STAM2: variants seen among roughly 807,000 people sequenced by gnomAD.
The protein encoded by STAM2 is signal transducing adapter molecule 2.
Under a neutral mutation model 65.6 loss-of-function variants are expected in STAM2, and 51 were observed. The observed-to-expected ratio is 0.78, with a 90% CI of 0.62 to 0.98. STAM2 has a LOEUF of 0.98. Among genes scored for constraint, STAM2 ranks in the 50% least tolerant of loss-of-function variants. STAM2 has a pLI of 0.00. For synonymous variants in STAM2, 198 were observed against 208.4 expected (o/e 0.95, Z 0.43); for missense variants, 584 against 617.8 (o/e 0.95, Z 0.58).
At chr2:152,166,580 C>A (rs1689790351) in intron 1 of STAM2, among the ~76,000 whole-genome samples, 1 of 151,958 alleles carries the variant, frequency 6.6e-6, no homozygotes, top group Admixed American at 6.6e-5. Context: ...ATATCTGCCA[C>A]AATGACCTTC....
In STAM2 at chr2:152,148,062, C is replaced by A; in HGVS notation, c.262G>T (p.Asp88Tyr). The change falls in exon 4 of 14, where the codon GAT becomes TAT. Residue 88 changes from aspartate (D) to tyrosine (Y), a missense_variant. Coordinates refer to ENST00000263904, the MANE Select transcript of STAM2 (RefSeq NM_005843.6). Reference protein sequence around the residue: ...KIFHLEVCSRDFATEVRAVIK... With the variant: ...KIFHLEVCSRYFATEVRAVIK... ...ACAGCACGTACTTCTGTTGCAAAATCACGGGAACATACTTCTAAATGAAAT... is the reference window on the plus strand; with the variant it reads ...ACAGCACGTACTTCTGTTGCAAAATAACGGGAACATACTTCTAAATGAAAT... 1 of 1,610,702 alleles carries A rather than the reference C, an allele frequency of 6.2e-7. No individual in the cohort carries two copies. Among genetic ancestry groups the A allele is most frequent in the South Asian group, 1.1e-5 (1 of 90,170 alleles).
chr2:152,160,552 G>C lies in STAM2; in HGVS notation c.41-10323C>G, dbSNP rs917930569. ...GCCCGGCAGCCACCGCGTCCGGGAG[G>C]GAGGTGGGGGTCAGCCCCCGCCAGG... On this transcript the variant is annotated intron_variant, in intron 1 of 13. Coordinates refer to ENST00000263904, the MANE Select transcript of STAM2 (RefSeq NM_005843.6). Among the ~76,000 whole-genome samples, 4 of 151,818 alleles carry C rather than the reference G, an allele frequency of 2.6e-5. 1 individual carries two copies. Among genetic ancestry groups the C allele is most frequent in the African/African-American group, 7.3e-5 (3 of 41,334 alleles).
chr2:152,152,846 TA>T (rs1689471686), intron 1 of STAM2, among the ~76,000 whole-genome samples: 1 of 152,182 alleles, frequency 6.6e-6, no homozygotes, highest in Non-Finnish European at 1.5e-5. Flanking sequence ...ACACAGGTAG[TA>T]AAAATATTAG....
chr2:152,165,218 G>A lies in STAM2; in HGVS notation c.40+10385C>T, dbSNP rs546205891. On this transcript the variant is annotated intron_variant, in intron 1 of 13. Transcript: ENST00000263904. Reference sequence around the variant, plus strand: ...AGGCGGGCAGATCATGAGGTCAGGAGATCAAGACGAGCCTGGCTAACACAG... The same window carrying A: ...AGGCGGGCAGATCATGAGGTCAGGAAATCAAGACGAGCCTGGCTAACACAG... Among the ~76,000 whole-genome samples the A allele has an allele frequency of 3.9e-5, 6 of 152,022 alleles. No individual in the cohort carries two copies. The East Asian group carries it at 9.7e-4, about 25-fold the overall frequency.
In STAM2 at chr2:152,133,246, T is replaced by A; in HGVS notation, c.897A>T (p.Arg299Ser). Residue 299 changes from arginine (R) to serine (S), a missense_variant, in exon 10 of 14, where the codon AGA becomes AGT. Coordinates refer to ENST00000263904, the MANE Select transcript of STAM2 (RefSeq NM_005843.6). ...CTATACTCTGAAGTACCTGCAGGGCTCTATCCATCTTATCCTAAAAAAGTA... is the reference window on the plus strand; with the variant it reads ...CTATACTCTGAAGTACCTGCAGGGCACTATCCATCTTATCCTAAAAAAGTA... Reference protein sequence around the residue: ...PVYIDEDKMDRALQVLQSIDP... With the variant: ...PVYIDEDKMDSALQVLQSIDP... 1 of 1,609,578 alleles carries A rather than the reference T, an allele frequency of 6.2e-7. No individual in the cohort carries two copies. The highest frequency in any genetic ancestry group is 8.5e-7 in the Non-Finnish European group (1 of 1,177,948).
In STAM2 at chr2:152,150,219, C is replaced by A. The variant is rs781017165; in HGVS notation, c.51G>T (p.Thr17=). ...NPFEQDVEKA[T]NEYNTTEDWS... ...AATCTTCTGTAGTGTTGTACTCATT[C>A]GTGGCTTTTTCTATAAAATATATTG... The change falls in exon 2 of 14, where the codon ACG becomes ACT. Residue 17 remains threonine, a synonymous_variant. Coordinates refer to ENST00000263904, the MANE Select transcript of STAM2 (RefSeq NM_005843.6). 2 of 1,612,182 alleles carry A rather than the reference C, an allele frequency of 1.2e-6. No individual in the cohort carries two copies. Among genetic ancestry groups the A allele is most frequent in the African/African-American group, 1.3e-5 (1 of 74,984 alleles).
At chr2:152,168,127 T>C (rs572008642) in intron 1 of STAM2, among the ~76,000 whole-genome samples, 1 of 152,112 alleles carries the variant, frequency 6.6e-6, no homozygotes, top group Admixed American at 6.6e-5. Context: ...TAACCAGAGT[T>C]TGATATCCTA....
chr2:152,148,024 C>T lies in STAM2; in HGVS notation c.300G>A (p.Lys100=). 2 of 1,594,036 alleles carry T rather than the reference C, an allele frequency of 1.3e-6. No individual in the cohort carries two copies. The highest frequency in any genetic ancestry group is 1.7e-6 in the Non-Finnish European group (2 of 1,170,512). The change falls in exon 4 of 14, where the codon AAG becomes AAA. Residue 100 remains lysine, a splice_region_variant and synonymous_variant. Transcript: ENST00000263904. ...ATEVRAVIKN[K]AHPKVCEKLK... The stretch of plus-strand genomic sequence containing the variant: ...AAGTTCTTCTGTTTTTAAAATTTAC[C>T]TTATTTTTAATCACAGCACGTACTT...
intron 1 of STAM2, 48 bp downstream of exon 1, chr2:152,175,555 A>T: frequency 6.2e-7 from 1 of 1,611,026 alleles, no homozygotes. Flanking sequence ...GACAAACAGC[A>T]GTCCAGGGCC....
chr2:152,157,718 A>G (rs1418649901), intron 1 of STAM2, among the ~76,000 whole-genome samples: 1 of 152,248 alleles, frequency 6.6e-6, no homozygotes, highest in East Asian at 1.9e-4. Context: ...TGTCCAAACA[A>G]AGCAAGAGAA....
At position 152,135,739 on chromosome 2, in the gene STAM2, A is replaced by G. The variant is rs1689141511; in HGVS notation, c.705-136T>C. On this transcript the variant is annotated intron_variant, in intron 7 of 13. Transcript: ENST00000263904. ...GCTATAATTGAGTCATTTTTCTTAA[A>G]TTTAATAAACGATATTAAAAAGTAC... The G allele has an allele frequency of 4.9e-6, 3 of 608,576 alleles. No individual in the cohort carries two copies. In the South Asian group the frequency reaches 6.5e-5, roughly 13 times the overall value. The allele number at this position is 608,576 out of a possible 1,614,324, so 37.7% of individuals were successfully genotyped here.
intron 6 of STAM2, 62 bp from the exon 7 acceptor site, chr2:152,144,075 T>C (rs1170845681): frequency 7.1e-7 from 1 of 1,417,440 alleles, no homozygotes; most frequent in Non-Finnish European, 9.6e-7. Context: ...AAACATTAGA[T>C]GACAATGTAA....
Position 152,175,664 on chromosome 2 carries a change from G to C in STAM2, c.-22C>G. 1 of 1,604,994 alleles carries C rather than the reference G, an allele frequency of 6.2e-7. No individual in the cohort carries two copies. Among genetic ancestry groups the C allele is most frequent in the South Asian group, 1.1e-5 (1 of 89,670 alleles). Reference sequence around the variant, plus strand: ...GCATCTCGCCGGCGCCCGAGCCCTAGTCGCTGCTGTCTAGCTGACACTCAG... The same window carrying C: ...GCATCTCGCCGGCGCCCGAGCCCTACTCGCTGCTGTCTAGCTGACACTCAG... On this transcript the variant is annotated 5_prime_UTR_variant, in exon 1 of 14. Coordinates refer to ENST00000263904, the MANE Select transcript of STAM2 (RefSeq NM_005843.6).
At position 152,175,587 on chromosome 2, in the gene STAM2, C is replaced by A. The variant is rs917223883; in HGVS notation, c.40+16G>T. 10 of 1,613,894 alleles carry A rather than the reference C, an allele frequency of 6.2e-6. No homozygotes were observed. Among genetic ancestry groups the A allele is most frequent in the Non-Finnish European group, 8.5e-6 (10 of 1,179,944 alleles). On this transcript the variant is annotated intron_variant, in intron 1 of 13. Transcript: ENST00000263904. The stretch of plus-strand genomic sequence containing the variant: ...GGCCAGGCACACAGCAGTCCAGGAC[C>A]GGGCACAGCACTCACCCACGTCTTG...
At chr2:152,128,885 T>C (rs1560210804) in intron 11 of STAM2, among the ~76,000 whole-genome samples, 1 of 152,208 alleles carries the variant, frequency 6.6e-6, no homozygotes, top group Non-Finnish European at 1.5e-5. Context: ...TTTTTCTTAG[T>C]AGGAATAACA....
At chr2:152,136,641 A>G (rs1689160128) in intron 7 of STAM2, among the ~76,000 whole-genome samples, 1 of 152,098 alleles carries the variant, frequency 6.6e-6, no homozygotes, top group Admixed American at 6.5e-5. Context: ...ATGCTAATCC[A>G]TACAGACCTT....
Position 152,150,174 on chromosome 2 carries a change from T to C in STAM2, c.96A>G (p.Ile32Met). Residue 32 changes from isoleucine to methionine, a missense_variant, in exon 2 of 14, where the codon ATA becomes ATG. Ile to Met is a conservative substitution (Grantham distance 10). Transcript: ENST00000263904. Reference sequence around the variant, plus strand: ...TAGGAGTACTTCCAACTTTGTCACATATGTCCATAATAAGACTCCAATCTT... The same window carrying C: ...TAGGAGTACTTCCAACTTTGTCACACATGTCCATAATAAGACTCCAATCTT... The part of the protein sequence containing the change: ...TTEDWSLIMD[I>M]CDKVGSTPNG... 6.2e-7 allele frequency: 1 copy of C among 1,613,578 alleles called. No individual in the cohort carries two copies. Among genetic ancestry groups the C allele is most frequent in the Non-Finnish European group, 8.5e-7 (1 of 1,179,618 alleles).
At chr2:152,149,164 A>G (rs1056787521) in intron 2 of STAM2, among the ~76,000 whole-genome samples, 2 of 152,024 alleles carry the variant, frequency 1.3e-5, no homozygotes, top group Non-Finnish European at 2.9e-5. Flanking sequence ...TATATTATCT[A>G]CTGTGTTATC....
rs773766805 is a variant in STAM2 at position 152,120,763 on chromosome 2, G to T, written c.1389C>A (p.Asn463Lys). 6 of 1,614,106 alleles carry T rather than the reference G, an allele frequency of 3.7e-6. No individual in the cohort carries two copies. ...QDTVSNPTYM[N>K]QNSNLQSATG... ...TAGCTGACTGTAGGTTAGAGTTCTGGTTCATATAAGTAGGATTGGAAACAG... is the reference window on the plus strand; with the variant it reads ...TAGCTGACTGTAGGTTAGAGTTCTGTTTCATATAAGTAGGATTGGAAACAG... The change falls in exon 14 of 14, where the codon AAC (asparagine) becomes AAA (lysine). Residue 463 changes from asparagine (N) to lysine (K), a missense_variant. Transcript: ENST00000263904.
Sources: gnomAD v4.1 joint callset for allele counts (sites outside exome capture counted in the v4.1 genomes callset) on GRCh38, gnomAD v4.1.1 for gene constraint, MANE v1.5 for transcripts, NCBI Gene and HGNC (gene_info 2026-07-23, HGNC 2026-07-21) for gene names.